CRYBG1: variants seen among roughly 807,000 people sequenced by gnomAD.
The protein encoded by CRYBG1 is beta/gamma crystallin domain-containing protein 1.
CRYBG1 carries 139 observed loss-of-function variants against 189.2 expected under a neutral mutation model. That is an observed-to-expected ratio of 0.73 (90% CI 0.64 to 0.85). CRYBG1 has a LOEUF of 0.85. Among genes scored for constraint, CRYBG1 ranks in the 40% least tolerant of loss-of-function variants. CRYBG1 has a pLI of 0.00. For missense variants in CRYBG1, 2,611 were observed against 2,675.8 expected (o/e 0.98, Z 0.53); for synonymous variants, 1,023 against 1,017.1 (o/e 1.01, Z -0.11).
chr6:106,503,070 A>T (rs958690686), intron 2 of CRYBG1, among the ~76,000 whole-genome samples: 1 of 152,144 alleles, frequency 6.6e-6, no homozygotes, highest in Admixed American at 6.5e-5. Context: ...GCTCGGGAAT[A>T]TGGGGAGAGA....
In CRYBG1 at chr6:106,489,695, G is replaced by C. The variant is rs1193254087; in HGVS notation, c.313-21735G>C. 3.2e-5 allele frequency among the ~76,000 whole-genome samples: 3 copies of C among 93,388 alleles called. No homozygotes were observed. The Admixed American group carries it at 3.6e-4, about 11-fold the overall frequency. 61.3% of individuals were successfully genotyped at this position (93,388 alleles called of 152,430 possible). On this transcript the variant is annotated intron_variant, in intron 2 of 21. Coordinates refer to ENST00000633556, the MANE Select transcript of CRYBG1 (RefSeq NM_001371242.2). ...AAAAAAAAATTAGCCGGGGGCGGTAGTATGCACCTGTAATCCCAGCTACTC... is the reference window on the plus strand; with the variant it reads ...AAAAAAAAATTAGCCGGGGGCGGTACTATGCACCTGTAATCCCAGCTACTC...
chr6:106,511,997 A>G lies in CRYBG1; in HGVS notation c.880A>G (p.Arg294Gly). The change falls in exon 3 of 22, where the codon AGG (arginine) becomes GGG (glycine). Residue 294 changes from arginine (R) to glycine (G), a missense_variant. By Grantham distance (125) the Arg-to-Gly change is moderately radical. Around this residue, in one of 3 missense-constraint regions of CRYBG1, gnomAD observed 985 missense variants for 924.4 expected, o/e 1.07. Coordinates refer to ENST00000633556, the MANE Select transcript of CRYBG1 (RefSeq NM_001371242.2). ...GHEQEAFLGV[R>G]GAPGSPTQER... ...CGAACAGGAGGCTTTCCTGGGTGTG[A>G]GGGGTGCGCCAGGGTCGCCCACCCA... 6.5e-7 allele frequency: 1 copy of G among 1,530,982 alleles called. No homozygotes were observed. Among genetic ancestry groups the G allele is most frequent in the Non-Finnish European group, 8.7e-7 (1 of 1,144,084 alleles). The allele number at this position is 1,530,982 out of a possible 1,614,324, so 94.8% of individuals were successfully genotyped here.
rs867366331 is a variant in CRYBG1, at chr6:106,498,869, G to A, written c.313-12561G>A. Among the ~76,000 whole-genome samples the A allele has an allele frequency of 7.9e-5, 12 of 151,558 alleles. 1 individual carries two copies. Among genetic ancestry groups the A allele is most frequent in the African/African-American group, 1.7e-4 (7 of 41,264 alleles). ...AGCCTGGGCAAAAAAAGTGAGACCC[G>A]TCTCAAAAAGAAAAAAAATAAATAT... On this transcript the variant is annotated intron_variant, in intron 2 of 21. Coordinates refer to ENST00000633556, the MANE Select transcript of CRYBG1 (RefSeq NM_001371242.2).
chr6:106,460,379 C>T (rs1043941003), intron 2 of CRYBG1, among the ~76,000 whole-genome samples: 2 of 152,114 alleles, frequency 1.3e-5, no homozygotes, highest in East Asian at 1.9e-4. Flanking sequence ...TTTTGTATTG[C>T]GTTGTTTACC....
chr6:106,386,565 TTGCACC>T (rs1256450227), intron 1 of CRYBG1, among the ~76,000 whole-genome samples: 4 of 152,128 alleles, frequency 2.6e-5, no homozygotes, highest in Admixed American at 6.6e-5. Context: ...TAATCTGTAT[TTGCACC>T]TGCTCCCCAG....
In CRYBG1 at chr6:106,512,611, G is replaced by T; in HGVS notation, c.1494G>T (p.Gly498=). ...CCGGTACCAAAGGGCAGCTCCGAGG[G>T]GAGTCGGACCGGAGCAAACAGCCAC... ...PSPGTKGQLR[G]ESDRSKQPPP... The change falls in exon 3 of 22, where the codon GGG becomes GGT. Residue 498 remains glycine, a synonymous_variant. Coordinates refer to ENST00000633556, the MANE Select transcript of CRYBG1 (RefSeq NM_001371242.2). The T allele has an allele frequency of 6.2e-7, 1 of 1,601,788 alleles. No individual in the cohort carries two copies. The highest frequency in any genetic ancestry group is 8.5e-7 in the Non-Finnish European group (1 of 1,175,106).
intron 2 of CRYBG1, among the ~76,000 whole-genome samples, chr6:106,476,742 C>A (rs1772342769): frequency 6.6e-6 from 1 of 152,118 alleles, no homozygotes; most frequent in Admixed American, 6.6e-5. Flanking sequence ...TTAGGAACTG[C>A]CCATGAGGGA....
intron 1 of CRYBG1, among the ~76,000 whole-genome samples, chr6:106,388,505 G>T (rs530058406): frequency 6.6e-6 from 1 of 152,148 alleles, no homozygotes; most frequent in East Asian, 1.9e-4. Context: ...AAGAGCAAAG[G>T]CTCTTATGGT....
intron 1 of CRYBG1, among the ~76,000 whole-genome samples, chr6:106,416,303 G>T (rs116616370): frequency 0.012 from 1,806 of 152,292 alleles, 35 homozygotes; most frequent in African/African-American, 0.041. Context: ...CTTCTTGCAG[G>T]TATTCCTAAT....
intron 2 of CRYBG1, among the ~76,000 whole-genome samples, chr6:106,486,071 C>T (rs540529374): frequency 6.6e-6 from 1 of 152,062 alleles, no homozygotes; most frequent in East Asian, 1.9e-4. Flanking sequence ...GAAATCTTTC[C>T]TCTTTTTTGT....
chr6:106,551,741 T>C, intron 13 of CRYBG1, 111 bp from the exon 14 acceptor site: 1 of 1,276,808 alleles, frequency 7.8e-7, no homozygotes, highest in Non-Finnish European at 1.1e-6. Context: ...AAATTAAAAT[T>C]TCAATTGGCA....
At chr6:106,436,822 G>A (rs968554870) in intron 1 of CRYBG1, among the ~76,000 whole-genome samples, 3 of 152,074 alleles carry the variant, frequency 2.0e-5, no homozygotes, top group Non-Finnish European at 4.4e-5. Context: ...TAAAAGTAGA[G>A]TTATAGGGGA....
intron 1 of CRYBG1, among the ~76,000 whole-genome samples, chr6:106,446,949 G>T (rs1193416194): frequency 6.6e-6 from 1 of 152,150 alleles, no homozygotes; most frequent in Non-Finnish European, 1.5e-5. Context: ...AAATAAAAAG[G>T]AAACATAATT....
At chr6:106,526,408 G>A (rs1773738625) in intron 6 of CRYBG1, among the ~76,000 whole-genome samples, 1 of 152,060 alleles carries the variant, frequency 6.6e-6, no homozygotes, top group East Asian at 1.9e-4. Context: ...TGTTTTTATG[G>A]AACAGTACTT....
chr6:106,413,733 G>A (rs1770973325), intron 1 of CRYBG1, among the ~76,000 whole-genome samples: 1 of 151,692 alleles, frequency 6.6e-6, no homozygotes, highest in Non-Finnish European at 1.5e-5. Context: ...TTTGTCATGA[G>A]AAGAGGGTGA....
At chr6:106,436,416 A>G (rs545875190) in intron 1 of CRYBG1, among the ~76,000 whole-genome samples, 163 of 151,158 alleles carry the variant, frequency 1.1e-3, no homozygotes, top group Non-Finnish European at 1.9e-3. Flanking sequence ...CTCCTGCCTC[A>G]GCCTCCCGAG....
intron 9 of CRYBG1, chr6:106,541,105 C>A: frequency 2.8e-6 from 1 of 359,574 alleles, no homozygotes; most frequent in Non-Finnish European, 5.6e-6. Context: ...CAAATACCTT[C>A]AGGGGCCAGG....
chr6:106,369,291 C>G (rs190367798), intron 1 of CRYBG1, among the ~76,000 whole-genome samples: 1 of 152,330 alleles, frequency 6.6e-6, no homozygotes, highest in East Asian at 1.9e-4. Context: ...TTGTTTGTTA[C>G]CTTCTCATAA....
chr6:106,377,185 G>A (rs115449476), intron 1 of CRYBG1, among the ~76,000 whole-genome samples: 1,627 of 152,138 alleles, frequency 0.011, 27 homozygotes, highest in African/African-American at 0.037. Context: ...TCGTTTCTGG[G>A]CAGTTTGCCT....
Sources: allele counts gnomAD v4.1 joint callset (sites outside exome capture counted in the v4.1 genomes callset), GRCh38; gene constraint gnomAD v4.1.1; regional missense constraint gnomAD v4.1.1; transcripts MANE v1.5; gene names NCBI Gene and HGNC (gene_info 2026-07-23, HGNC 2026-07-21).